Variants in ALOX15 observed in about 807,000 individuals in gnomAD.
ALOX15 encodes polyunsaturated fatty acid lipoxygenase ALOX15.
A neutral mutation model predicts 71.7 loss-of-function variants in ALOX15; 68 were observed. The ratio of observed to expected loss-of-function variants is 0.95; its 90% CI spans 0.78 to 1.16. ALOX15 has a LOEUF of 1.16. Ranked by LOEUF, ALOX15 falls within the 50% of genes most tolerant of loss-of-function variation. The pLI, the probability that ALOX15 is intolerant of heterozygous loss-of-function variation, is 0.00. For synonymous variants in ALOX15, 346 were observed against 333.3 expected, an observed-to-expected ratio of 1.04 and a Z score of -0.42; for missense variants, 798 against 818.8, an observed-to-expected ratio of 0.97 and a Z score of 0.31.
At position 4,632,849 on chromosome 17, in the gene ALOX15, G is replaced by C. The variant is rs749821497; in HGVS notation, c.1540+12C>G. 4.5e-5 allele frequency: 72 copies of C among 1,614,002 alleles called. 3 individuals carry two copies. The South Asian group carries it at 7.6e-4, about 17-fold the overall frequency. ...TTTGTGTCTGAGATCTCAGGGCAGG[G>C]GCTCCTCTTACCTCGGTCCTGGGCC... On this transcript the variant is annotated intron_variant, in intron 11 of 13. Transcript: ENST00000293761.
At chr17:4,635,545 A>G (rs1373195103) in intron 8 of ALOX15, among the ~76,000 whole-genome samples, 1 of 152,190 alleles carries the variant, frequency 6.6e-6, no homozygotes, top group East Asian at 1.9e-4. Context: ...ACATATAAAA[A>G]GAGTAAGATT....
chr17:4,633,122 C>A, intron 10 of ALOX15, 24 bp downstream of exon 10: 1 of 1,611,176 alleles, frequency 6.2e-7, no homozygotes, highest in Non-Finnish European at 8.5e-7. Context: ...CTTGCACCCC[C>A]ACTGGCCTTC....
At position 4,631,613 on chromosome 17, in the gene ALOX15, C is replaced by A. The variant is rs768831797; in HGVS notation, c.1976G>T (p.Ser659Ile). Residue 659 changes from serine to isoleucine, a missense_variant, in exon 14 of 14, where the codon AGT (serine) becomes ATT (isoleucine). Physicochemically the swap from Ser to Ile is moderately radical, Grantham distance 142. This residue lies in a region of ALOX15 where 490 missense variants were observed against 509.4 expected (regional missense o/e 0.96). Coordinates refer to ENST00000293761, the MANE Select transcript of ALOX15 (RefSeq NM_001140.5). ...EYLRPSVVEN[S>I]VAI ...GGGTGGCGACGCTTAGATGGCCACA[C>A]TGTTTTCCACCACGCTGGGCCGCAG... 3.1e-6 allele frequency: 5 copies of A among 1,613,122 alleles called. No homozygotes were observed. The African/African-American group carries it at 6.7e-5, about 22-fold the overall frequency.
Position 4,632,260 on chromosome 17 carries a change from G to C in ALOX15, c.1562C>G (p.Ala521Gly). 6.2e-7 allele frequency: 1 copy of C among 1,614,232 alleles called. No individual in the cohort carries two copies. Among genetic ancestry groups the C allele is most frequent in the Non-Finnish European group, 8.5e-7 (1 of 1,180,042 alleles). Reference sequence around the variant, plus strand: ...GACAAAGTGGCAAACCTGGTCCCGAGCCTGTAAAGAGACAGGAAACCCTGC... The same window carrying C: ...GACAAAGTGGCAAACCTGGTCCCGACCCTGTAAAGAGACAGGAAACCCTGC... ...QDRGFPVSLQ[A>G]RDQVCHFVTM... Residue 521 changes from alanine to glycine, a missense_variant, in exon 12 of 14, where the codon GCT (alanine) becomes GGT (glycine). Ala to Gly is a moderately conservative substitution (Grantham distance 60). Coordinates refer to ENST00000293761, the MANE Select transcript of ALOX15 (RefSeq NM_001140.5).
Position 4,632,192 on chromosome 17 carries a change from GCA to G in ALOX15, c.1628_1629del (p.Val543AlafsTer13), listed in dbSNP as rs774183330. 3.1e-6 allele frequency: 5 copies of G among 1,614,232 alleles called. No individual in the cohort carries two copies. Among genetic ancestry groups the G allele is most frequent in the Admixed American group, 1.7e-5 (1 of 60,028 alleles). ...TCTCTGGTAAGTACCTGGCCCAGGTGCACAGAGGCGTGTTGGCCGGTGCAGGT... is the reference window on the plus strand; with the variant it reads ...TCTCTGGTAAGTACCTGGCCCAGGTGCAGAGGCGTGTTGGCCGGTGCAGGT... ...IFTCTGQHAS[V>X]HLGQLDWYSW... is the part of the protein sequence containing the mutation. On this transcript the variant is annotated frameshift_variant, in exon 12 of 14. Coordinates refer to ENST00000293761, the MANE Select transcript of ALOX15 (RefSeq NM_001140.5). LOFTEE classifies it high-confidence loss of function.
At position 4,635,899 on chromosome 17, in the gene ALOX15, G is replaced by A; in HGVS notation, c.1021C>T (p.Leu341Phe). ...FLPTDPPMAW[L>F]LAKCWVRSSD... ...CTGCGCACCCAGCATTTGGCCAGAA[G>A]CCAGGCCATTGGGGGATCCGTAGGC... is the stretch of plus-strand genomic sequence containing the variant. The change falls in exon 8 of 14, where the codon CTT (leucine) becomes TTT (phenylalanine). Residue 341 changes from leucine to phenylalanine, a missense_variant. By Grantham distance (22) the Leu-to-Phe change is conservative (BLOSUM62 0). Transcript: ENST00000293761. The A allele has an allele frequency of 6.2e-7, 1 of 1,614,256 alleles. No individual in the cohort carries two copies. The highest frequency in any genetic ancestry group is 8.5e-7 in the Non-Finnish European group (1 of 1,180,052).
chr17:4,638,700 G>A lies in ALOX15; in HGVS notation c.543-16C>T, dbSNP rs34766541. ...GTCGGCCAGCCTTCAGGGCAGGATG[G>A]GGCAAAGGGTTTGAGCATCATTCTG... is the stretch of plus-strand genomic sequence containing the variant. On this transcript the variant is annotated splice_polypyrimidine_tract_variant and intron_variant, in intron 4 of 13. Transcript: ENST00000293761. 0.014 allele frequency: 21,911 copies of A among 1,613,710 alleles called. 224 individuals are homozygous for A. The highest frequency in any genetic ancestry group is 0.015 in the Non-Finnish European group (17,725 of 1,179,642).
At chr17:4,635,687 A>G (rs1911071083) in intron 8 of ALOX15, 72 bp downstream of exon 8, 7 of 1,443,078 alleles carry the variant, frequency 4.9e-6, no homozygotes, top group Non-Finnish European at 6.8e-6. Context: ...ACAGAGAGGG[A>G]GCCTCCAGAG....
chr17:4,635,056 T>C (rs1180741597), intron 8 of ALOX15, among the ~76,000 whole-genome samples: 1 of 152,068 alleles, frequency 6.6e-6, no homozygotes, highest in Non-Finnish European at 1.5e-5. Context: ...ATGGATGTTC[T>C]AACCACTGCC....
intron 4 of ALOX15, 55 bp downstream of exon 4, chr17:4,638,795 T>C (rs1911209028): frequency 3.7e-6 from 6 of 1,613,420 alleles, no homozygotes; most frequent in Non-Finnish European, 5.1e-6. Flanking sequence ...ATAAGCCCCT[T>C]GGCTTCCACT....
In ALOX15 at chr17:4,641,596, T is replaced by C. The variant is rs761359144; in HGVS notation, c.56A>G (p.Asn19Ser). The C allele has an allele frequency of 2.5e-6, 4 of 1,613,762 alleles. No homozygotes were observed. In the African/African-American group the frequency reaches 4.0e-5, roughly 16 times the overall value. ...STGASLYAGS[N>S]NQVQLWLVGQ... ...GACCAGCCACAGCTGCACCTGGTTG[T>C]TGGAACCGGCATAGAGCGAGGCCCC... Residue 19 changes from asparagine (N) to serine (S), a missense_variant, in exon 1 of 14, where the codon AAC becomes AGC. Physicochemically the swap from Asn to Ser is conservative, Grantham distance 46. Transcript: ENST00000293761.
In ALOX15 at chr17:4,631,872, G is replaced by A; in HGVS notation, c.1809+17C>T. Reference sequence around the variant, plus strand: ...CAGCTGCCTCCTTCCTTAGGGCCCTGGGCACTCAGCTCTCACCATAACGGG... The same window carrying A: ...CAGCTGCCTCCTTCCTTAGGGCCCTAGGCACTCAGCTCTCACCATAACGGG... On this transcript the variant is annotated intron_variant, in intron 13 of 13. Transcript: ENST00000293761. The A allele has an allele frequency of 6.2e-7, 1 of 1,608,458 alleles. No homozygotes were observed. Among genetic ancestry groups the A allele is most frequent in the East Asian group, 2.2e-5 (1 of 44,806 alleles).
rs570621196 is a variant in ALOX15 at position 4,633,339 on chromosome 17, T to G, written c.1249-24A>C. On this transcript the variant is annotated intron_variant, in intron 9 of 13. Transcript: ENST00000293761. ...ATCTGAGAAGTGAGGGTGAGCAGGG[T>G]CAGGCGAATCGACCTGCCCTGAATC... 1.9e-5 allele frequency: 30 copies of G among 1,611,384 alleles called. No individual in the cohort carries two copies. In the Middle Eastern group the frequency reaches 6.6e-4, roughly 35 times the overall value.
intron 7 of ALOX15, among the ~76,000 whole-genome samples, chr17:4,636,787 C>T (rs1289123187): frequency 1.3e-5 from 2 of 152,096 alleles, no homozygotes; most frequent in Admixed American, 6.5e-5. Flanking sequence ...GTCTGTCTTG[C>T]CCCTGAGGAC....
rs1389408960 is a variant in ALOX15 at position 4,633,497 on chromosome 17, T to G, written c.1165A>C (p.Ile389Leu). 6.2e-7 allele frequency: 1 copy of G among 1,613,644 alleles called. No homozygotes were observed. Among genetic ancestry groups the G allele is most frequent in the African/African-American group, 1.3e-5 (1 of 74,986 alleles). The change falls in exon 9 of 14, where the codon ATA (isoleucine) becomes CTA (leucine). Residue 389 changes from isoleucine to leucine, a missense_variant. This residue lies in a region of ALOX15 where 490 missense variants were observed against 509.4 expected (regional missense o/e 0.96). Transcript: ENST00000293761. ...AGGGTGTATCGCAGGTGGGGAATTA[T>G]AAGCTAGAGGGAGAAACACAGGGAA... ...LPSIHPIFKLIIPHLRYTLEI... is the reference protein window; with the variant it reads ...LPSIHPIFKLLIPHLRYTLEI...
intron 10 of ALOX15, 51 bp from the exon 11 acceptor site, chr17:4,633,033 C>G: frequency 6.2e-7 from 1 of 1,613,528 alleles, no homozygotes; most frequent in Non-Finnish European, 8.5e-7. Flanking sequence ...TCTGCCCCTG[C>G]TCACATGGCC....
Position 4,639,512 on chromosome 17 carries a change from G to A in ALOX15, c.255C>T (p.Gly85=). Residue 85 remains glycine (G), a synonymous_variant, in exon 2 of 14, where the codon GGC becomes GGT. Coordinates refer to ENST00000293761, the MANE Select transcript of ALOX15 (RefSeq NM_001140.5). ...AWFCNWISVQ[G]PGAGDEVRFP... is the part of the protein sequence containing the mutation. The stretch of plus-strand genomic sequence containing the variant: ...ACCTGACCTCGTCCCCGGCTCCGGG[G>A]CCCTGCACAGAGATCCAGTTGCAGA... 2.5e-6 allele frequency: 4 copies of A among 1,614,014 alleles called. No individual in the cohort carries two copies. The highest frequency in any genetic ancestry group is 2.5e-6 in the Non-Finnish European group (3 of 1,180,038).
chr17:4,636,061 T>C, intron 7 of ALOX15, 93 bp from the exon 8 acceptor site: 1 of 1,343,440 alleles, frequency 7.4e-7, no homozygotes, highest in South Asian at 1.3e-5. Flanking sequence ...CCCTTCGTCC[T>C]CCAAACCTGT....
rs918185169 is a variant in ALOX15, at chr17:4,631,990, C to T, written c.1708G>A (p.Asp570Asn). The T allele has an allele frequency of 1.2e-6, 2 of 1,613,982 alleles. No homozygotes were observed. Among genetic ancestry groups the T allele is most frequent in the Non-Finnish European group, 1.7e-6 (2 of 1,180,032 alleles). ...GCCATCACTGTCTCCAGCGTTGCAT[C>T]CTTGGTGGTTGGCGGGGGCAGCCGC... ...TMRLPPPTTK[D>N]ATLETVMATL... The change falls in exon 13 of 14, where the codon GAT becomes AAT. Residue 570 changes from aspartate (D) to asparagine (N), a missense_variant. By Grantham distance (23) the Asp-to-Asn change is conservative. Transcript: ENST00000293761.
Sources: gnomAD v4.1 joint callset for allele counts (sites outside exome capture counted in the v4.1 genomes callset) on GRCh38, gnomAD v4.1.1 for gene constraint, gnomAD v4.1.1 regional missense constraint, MANE v1.5 for transcripts, NCBI Gene and HGNC (gene_info 2026-07-23, HGNC 2026-07-21) for gene names.